The following PCDHGA4 variants were observed in gnomAD, a reference collection of about 807,000 sequenced individuals.
PCDHGA4 encodes the protein protocadherin gamma subfamily A, 4, also known as protocadherin gamma-A4.
Under a neutral mutation model 54.6 loss-of-function variants are expected in PCDHGA4, and 38 were observed. The ratio of observed to expected loss-of-function variants is 0.70; its 90% CI spans 0.54 to 0.91. The LOEUF is 0.91. Among genes scored for constraint, PCDHGA4 ranks in the 40% least tolerant of loss-of-function variants. PCDHGA4 has a pLI of 0.00. For missense variants in PCDHGA4, 1,298 were observed against 1,220.9 expected, an observed-to-expected ratio of 1.06 and a Z score of -0.94; for synonymous variants, 511 against 512.9, an observed-to-expected ratio of 1.00 and a Z score of 0.05.
At chr5:141,430,873 G>C (rs2097319709) in intron 1 of PCDHGA4, 1 of 1,598,842 alleles carries the variant, frequency 6.3e-7, no homozygotes, top group African/African-American at 1.3e-5. Flanking sequence ...TTCCGGAAGA[G>C]CTGGAGAAAG....
intron 1 of PCDHGA4, among the ~76,000 whole-genome samples, chr5:141,460,724 A>G (rs1294708205): frequency 6.6e-6 from 1 of 152,114 alleles, no homozygotes; most frequent in Non-Finnish European, 1.5e-5. Flanking sequence ...TGTTATAAGC[A>G]TATATACACA....
chr5:141,394,528 C>A (rs1465272752), intron 1 of PCDHGA4: 1 of 1,614,214 alleles, frequency 6.2e-7, no homozygotes, highest in Non-Finnish European at 8.5e-7. Flanking sequence ...ACAGACGGTT[C>A]CACTGGCGTG....
chr5:141,400,646 CTGTCCT>C, intron 1 of PCDHGA4: 1 of 1,222,508 alleles, frequency 8.2e-7, no homozygotes, highest in South Asian at 1.4e-5. Flanking sequence ...GCTCAGAAAG[CTGTCCT>C]ACCATTCTTT....
intron 1 of PCDHGA4, chr5:141,384,126 C>T (rs749225079): frequency 1.9e-6 from 3 of 1,610,938 alleles, no homozygotes; most frequent in Non-Finnish European, 2.5e-6. Context: ...CAACCAAAAA[C>T]TTGGACCGGG....
At chr5:141,364,717 C>G in intron 1 of PCDHGA4, 1 of 1,613,970 alleles carries the variant, frequency 6.2e-7, no homozygotes, top group Non-Finnish European at 8.5e-7. Flanking sequence ...TTAATGATAA[C>G]TTCCCGCGTT....
In PCDHGA4 at chr5:141,408,807, G is replaced by A. The variant is rs372007066; in HGVS notation, c.2514+51186G>A. On this transcript the variant is annotated intron_variant, in intron 1 of 3. Transcript: ENST00000571252. ...TTATCTCTGGAGAAACTCCTAGACCGGGAAGAACAGAGATCTCATAGCTTG... is the reference window on the plus strand; with the variant it reads ...TTATCTCTGGAGAAACTCCTAGACCAGGAAGAACAGAGATCTCATAGCTTG... 1.2e-5 allele frequency: 20 copies of A among 1,612,986 alleles called. No homozygotes were observed. Among genetic ancestry groups the A allele is most frequent in the Middle Eastern group, 1.6e-4 (1 of 6,084 alleles).
intron 3 of PCDHGA4, 43 bp from the exon 4 acceptor site, chr5:141,510,903 GA>G: frequency 6.2e-7 from 1 of 1,613,454 alleles, no homozygotes; most frequent in Non-Finnish European, 8.5e-7. Flanking sequence ...GACTGTTGAG[GA>G]CCCTAAGTTT....
In PCDHGA4 at chr5:141,360,972, C is replaced by T. The variant is rs746958816; in HGVS notation, c.2514+3351C>T. On this transcript the variant is annotated intron_variant, in intron 1 of 3. Coordinates refer to ENST00000571252, the MANE Select transcript of PCDHGA4 (RefSeq NM_018917.4). The stretch of plus-strand genomic sequence containing the variant: ...AAGGCATAAACGCAGAGATCACCTA[C>T]TCCTTTCATAATGTGGACGAACAAG... 1.1e-5 allele frequency: 18 copies of T among 1,613,750 alleles called. No individual in the cohort carries two copies. In the East Asian group the frequency reaches 3.1e-4, roughly 28 times the overall value.
chr5:141,510,223 G>C (rs944276162), intron 3 of PCDHGA4, among the ~76,000 whole-genome samples: 1 of 151,302 alleles, frequency 6.6e-6, no homozygotes, highest in African/African-American at 2.4e-5. Context: ...CAGTGAGCCG[G>C]GATCGCGCCA....
chr5:141,392,900 A>G, intron 1 of PCDHGA4: 1 of 1,613,714 alleles, frequency 6.2e-7, no homozygotes, highest in Non-Finnish European at 8.5e-7. Flanking sequence ...TCGGGAGGGG[A>G]CAGATTCGCT....
chr5:141,419,773 C>CAG, intron 1 of PCDHGA4: 1 of 1,614,034 alleles, frequency 6.2e-7, no homozygotes, highest in Non-Finnish European at 8.5e-7. Flanking sequence ...AGGACTCGGT[C>CAG]CGCCAGCGCC....
At chr5:141,375,707 C>G in intron 1 of PCDHGA4, 1 of 1,614,264 alleles carries the variant, frequency 6.2e-7, no homozygotes, top group Non-Finnish European at 8.5e-7. Context: ...GGACCCGCCT[C>G]TTAGCAGCAA....
intron 1 of PCDHGA4, chr5:141,365,046 C>A (rs753242901): frequency 6.2e-7 from 1 of 1,613,884 alleles, no homozygotes; most frequent in Admixed American, 1.7e-5. Context: ...AACGACAATG[C>A]GCCCCTGTTC....
intron 1 of PCDHGA4, chr5:141,376,198 G>A (rs1772399318): frequency 6.2e-7 from 1 of 1,614,072 alleles, no homozygotes; most frequent in South Asian, 1.1e-5. Context: ...GCGTCTTCCT[G>A]GCCTTCGTCA....
At chr5:141,480,298 C>T (rs1238380283) in intron 1 of PCDHGA4, among the ~76,000 whole-genome samples, 1 of 132,676 alleles carries the variant, frequency 7.5e-6, no homozygotes, top group Non-Finnish European at 1.6e-5. Flanking sequence ...ACCTGTGGTA[C>T]CAGCTACTTG....
Position 141,403,170 on chromosome 5 carries a change from A to C in PCDHGA4, c.2514+45549A>C. On this transcript the variant is annotated intron_variant, in intron 1 of 3. Transcript: ENST00000571252. ...CGCATCGTCTCTAGAGGTAGGACGC[A>C]GCTTTTCTCTCTGAACCCGCGCAGC... is the stretch of plus-strand genomic sequence containing the variant. 1 of 1,614,048 alleles carries C rather than the reference A, an allele frequency of 6.2e-7. No homozygotes were observed. Among genetic ancestry groups the C allele is most frequent in the East Asian group, 2.2e-5 (1 of 44,886 alleles).
chr5:141,371,694 T>A lies in PCDHGA4; in HGVS notation c.2514+14073T>A, dbSNP rs1409788183. 6.8e-6 allele frequency: 11 copies of A among 1,613,912 alleles called. No homozygotes were observed. The Admixed American group carries it at 1.7e-4, about 24-fold the overall frequency. ...CGACAAAGGCAATCCACCGCTCTCC[T>A]CCAGCAAGACCATCACTCTGCACAT... On this transcript the variant is annotated intron_variant, in intron 1 of 3. Coordinates refer to ENST00000571252, the MANE Select transcript of PCDHGA4 (RefSeq NM_018917.4).
At chr5:141,366,494 T>C (rs1764591738) in intron 1 of PCDHGA4, 2 of 1,614,234 alleles carry the variant, frequency 1.2e-6, no homozygotes. Context: ...CTGGCACAAG[T>C]CACGCCTGCT....
At chr5:141,370,364 G>A (rs769081116) in intron 1 of PCDHGA4, 5 of 1,521,178 alleles carry the variant, frequency 3.3e-6, no homozygotes, top group Non-Finnish European at 3.5e-6. Context: ...CCTCTCCTCG[G>A]ATTTAGAAAG....
Sources: gnomAD v4.1 joint callset for allele counts (sites outside exome capture counted in the v4.1 genomes callset) on GRCh38, gnomAD v4.1.1 for gene constraint, MANE v1.5 for transcripts, NCBI Gene and HGNC (gene_info 2026-07-23, HGNC 2026-07-21) for gene names.